The following ZNG1E variants were observed in gnomAD, a reference collection of about 807,000 sequenced individuals.
ZNG1E encodes the protein zinc-regulated GTPase metalloprotein activator 1E.
At chr9:65,714,260 A>G in the ZNG1E span, among the ~76,000 whole-genome samples, 34 of 149,042 alleles carry the variant, frequency 2.3e-4, 1 homozygote, top group Admixed American at 2.3e-3. Flanking sequence ...CATTCTTCAA[A>G]ATTTTTTCCA....
At chr9:65,713,704 A>G in the ZNG1E span, among the ~76,000 whole-genome samples, 1 of 148,860 alleles carries the variant, frequency 6.7e-6, no homozygotes, top group Non-Finnish European at 1.5e-5. Context: ...TCTGGCTTGT[A>G]GAGTTTCTGC....
the ZNG1E span, among the ~76,000 whole-genome samples, chr9:65,684,546 G>GCGCA: frequency 5.0e-5 from 7 of 139,484 alleles, no homozygotes; most frequent in Non-Finnish European, 7.7e-5. Context: ...ACACACACAC[G>GCGCA]CACGCACACA....
chr9:65,669,460 C>T, the ZNG1E span, among the ~76,000 whole-genome samples: 641 of 151,006 alleles, frequency 4.2e-3, no homozygotes, highest in Middle Eastern at 0.01. Flanking sequence ...TTTAGACTCT[C>T]TCCTATACTA....
At chr9:65,714,668 T>C in the ZNG1E span, among the ~76,000 whole-genome samples, 3 of 152,086 alleles carry the variant, frequency 2.0e-5, no homozygotes, top group Non-Finnish European at 4.4e-5. Flanking sequence ...CTGCCTCTGC[T>C]AGGGGGTGCC....
chr9:65,680,365 TAAC>T, the ZNG1E span, among the ~76,000 whole-genome samples: 3 of 152,254 alleles, frequency 2.0e-5, no homozygotes, highest in East Asian at 5.8e-4. Context: ...AGATTTCTAA[TAAC>T]AGACTGTTTT....
At chr9:65,667,807 C>T in the ZNG1E span, among the ~76,000 whole-genome samples, 1 of 149,218 alleles carries the variant, frequency 6.7e-6, no homozygotes, top group Non-Finnish European at 1.5e-5. Flanking sequence ...ACCAGCCTGG[C>T]CAATGTGGTG....
the ZNG1E span, chr9:65,719,917 T>C: frequency 5.4e-6 from 7 of 1,305,366 alleles, no homozygotes; most frequent in Admixed American, 2.6e-5. Context: ...ACTTGTAAAA[T>C]TGGAATTACA....
the ZNG1E span, among the ~76,000 whole-genome samples, chr9:65,714,702 ACCT>A: frequency 6.8e-6 from 1 of 146,892 alleles, no homozygotes; most frequent in South Asian, 2.1e-4. Flanking sequence ...CCAGGGGGTG[ACCT>A]CCCAGGGGGT....
the ZNG1E span, among the ~76,000 whole-genome samples, chr9:65,676,614 G>A: frequency 1.3e-5 from 2 of 151,522 alleles, no homozygotes; most frequent in Admixed American, 6.6e-5. Flanking sequence ...CAGCCAGTTG[G>A]CAGGAAGTGC....
At chr9:65,709,171 T>C in the ZNG1E span, among the ~76,000 whole-genome samples, 1,206 of 132,368 alleles carry the variant, frequency 9.1e-3, no homozygotes, top group Middle Eastern at 0.019. Context: ...ATAGTGTAAA[T>C]GATAGTTAAC....
chr9:65,671,661 A>G, the ZNG1E span, among the ~76,000 whole-genome samples: 16 of 152,144 alleles, frequency 1.1e-4, no homozygotes. Context: ...ACTTTGGGTT[A>G]CTTTTCTGTA....
At chr9:65,728,577 G>T in the ZNG1E span, among the ~76,000 whole-genome samples, 1 of 148,352 alleles carries the variant, frequency 6.7e-6, no homozygotes, top group Admixed American at 6.8e-5. Flanking sequence ...GATATTCAAG[G>T]CTACTATGAA....
the ZNG1E span, among the ~76,000 whole-genome samples, chr9:65,659,476 C>G: frequency 3.7e-5 from 5 of 136,664 alleles, no homozygotes; most frequent in African/African-American, 1.4e-4. Flanking sequence ...TCCTGGGTGA[C>G]AGAATGAGAC....
At chr9:65,669,438 T>C in the ZNG1E span, among the ~76,000 whole-genome samples, 1 of 151,106 alleles carries the variant, frequency 6.6e-6, no homozygotes, top group African/African-American at 2.4e-5. Flanking sequence ...CTAATGACAA[T>C]GGAAGAAATT....
chr9:65,698,867 AT>A, the ZNG1E span, among the ~76,000 whole-genome samples: 1 of 140,542 alleles, frequency 7.1e-6, no homozygotes, highest in Non-Finnish European at 1.5e-5. Context: ...GGGATTGAAG[AT>A]TTTTTATATA....
the ZNG1E span, among the ~76,000 whole-genome samples, chr9:65,680,924 G>A: frequency 9.8e-5 from 15 of 152,326 alleles, no homozygotes; most frequent in African/African-American, 3.1e-4. Flanking sequence ...GAGTAGCTGG[G>A]ACTACAGGTG....
chr9:65,724,762 CTAAA>C, the ZNG1E span, among the ~76,000 whole-genome samples: 1 of 97,154 alleles, frequency 1.0e-5, no homozygotes, highest in East Asian at 2.3e-4. Flanking sequence ...TTTTTGAAGA[CTAAA>C]TTAATTTTTT....
At chr9:65,665,110 A>G in the ZNG1E span, among the ~76,000 whole-genome samples, 1 of 152,270 alleles carries the variant, frequency 6.6e-6, no homozygotes, top group Non-Finnish European at 1.5e-5. Flanking sequence ...CCATTTTCTG[A>G]GGAGAAATTC....
At chr9:65,683,862 C>G in the ZNG1E span, among the ~76,000 whole-genome samples, 1 of 152,278 alleles carries the variant, frequency 6.6e-6, no homozygotes, top group South Asian at 2.1e-4. Flanking sequence ...GATGATAGGA[C>G]TTGGACTAAT....
Sources: allele counts gnomAD v4.1 joint callset (sites outside exome capture counted in the v4.1 genomes callset), GRCh38; gene constraint gnomAD v4.1.1; transcripts MANE v1.5; gene names NCBI Gene and HGNC (gene_info 2026-07-23, HGNC 2026-07-21).